BMPR2: variants seen among roughly 807,000 people sequenced by gnomAD.
The protein encoded by BMPR2 is bone morphogenetic protein receptor type 2.
BMPR2 carries 29 observed loss-of-function variants against 100.8 expected under a neutral mutation model. The observed-to-expected ratio is 0.29, with a 90% CI of 0.21 to 0.39. The LOEUF (loss-of-function observed/expected upper bound fraction) is 0.39. Ranked by LOEUF, BMPR2 falls within the 10% of genes least tolerant of loss-of-function variation. The pLI is 1.00. For missense variants in BMPR2, 1,011 were observed against 1,274.5 expected (o/e 0.79, Z 3.15); for synonymous variants, 382 against 442.3 (o/e 0.86, Z 1.71).
intron 5 of BMPR2, among the ~76,000 whole-genome samples, chr2:202,515,529 C>T (rs1201414138): frequency 6.6e-6 from 1 of 150,844 alleles, no homozygotes; most frequent in Non-Finnish European, 1.5e-5. Context: ...CGAGATCGCA[C>T]CATTGCACTC....
chr2:202,453,947 T>G (rs1692037408), intron 1 of BMPR2, among the ~76,000 whole-genome samples: 1 of 152,154 alleles, frequency 6.6e-6, no homozygotes, highest in South Asian at 2.1e-4. Context: ...ATACCTACTA[T>G]GTACCCACAA....
At chr2:202,405,074 C>T (rs1344343079) in intron 1 of BMPR2, among the ~76,000 whole-genome samples, 1 of 152,084 alleles carries the variant, frequency 6.6e-6, no homozygotes, top group Non-Finnish European at 1.5e-5. Context: ...CCTCCCATCT[C>T]AGCCTCCCAA....
intron 1 of BMPR2, among the ~76,000 whole-genome samples, chr2:202,410,514 T>C (rs1266414038): frequency 6.6e-6 from 1 of 152,158 alleles, no homozygotes; most frequent in African/African-American, 2.4e-5. Flanking sequence ...TTCGAATCCA[T>C]AGAATATAAT....
chr2:202,492,511 C>T (rs1459120574), intron 3 of BMPR2, among the ~76,000 whole-genome samples: 1 of 151,626 alleles, frequency 6.6e-6, no homozygotes, highest in Non-Finnish European at 1.5e-5. Flanking sequence ...ACCAGCCTGG[C>T]CAACATAGCA....
chr2:202,510,597 GTGTGTA>G (rs1435945355), intron 3 of BMPR2, among the ~76,000 whole-genome samples: 9 of 152,088 alleles, frequency 5.9e-5, no homozygotes, highest in African/African-American at 2.2e-4. Flanking sequence ...AGTTTTGTGT[GTGTGTA>G]TGTGTATGTA....
chr2:202,555,085 T>C (rs1044953940), intron 11 of BMPR2, among the ~76,000 whole-genome samples, 167 bp from the exon 12 acceptor site: 1 of 151,480 alleles, frequency 6.6e-6, no homozygotes, highest in East Asian at 2.2e-4. Context: ...TATCAAGTTA[T>C]TAATTGACAC....
chr2:202,427,573 A>G (rs979881920), intron 1 of BMPR2, among the ~76,000 whole-genome samples: 1 of 151,398 alleles, frequency 6.6e-6, no homozygotes. Flanking sequence ...TTCCTATACT[A>G]TCATTTCTCT....
At chr2:202,427,889 GGATCACTTGAGCCTGGGAGGTGGTA>G (rs1196669118) in intron 1 of BMPR2, among the ~76,000 whole-genome samples, 1 of 152,230 alleles carries the variant, frequency 6.6e-6, no homozygotes, top group African/African-American at 2.4e-5. Flanking sequence ...AGGGGTGGGA[GGATCACTTGAGCCTGGGAGGTGGTA>G]GTTGCAGTGA....
intron 1 of BMPR2, among the ~76,000 whole-genome samples, chr2:202,449,836 G>A (rs981419306): frequency 6.6e-6 from 1 of 152,016 alleles, no homozygotes; most frequent in Admixed American, 6.6e-5. Flanking sequence ...GGTGGCTCAC[G>A]CCTGTAATCC....
chr2:202,471,568 C>A lies in BMPR2; in HGVS notation c.418+3879C>A, dbSNP rs190922946. Among the ~76,000 whole-genome samples the A allele has an allele frequency of 3.3e-4, 50 of 152,170 alleles. 1 individual carries two copies. The highest frequency in any genetic ancestry group is 8.5e-4 in the Admixed American group (13 of 15,272). On this transcript the variant is annotated intron_variant, in intron 3 of 12. Transcript: ENST00000374580. ...CAAGAATGCATAACCTGAATTTAATCATGAGGTAATATCACACAAACCCCA... is the reference window on the plus strand; with the variant it reads ...CAAGAATGCATAACCTGAATTTAATAATGAGGTAATATCACACAAACCCCA...
At chr2:202,460,274 G>T (rs1692200574) in intron 1 of BMPR2, among the ~76,000 whole-genome samples, 1 of 152,022 alleles carries the variant, frequency 6.6e-6, no homozygotes, top group Non-Finnish European at 1.5e-5. Context: ...TGCTAATCTG[G>T]ATAAAGAAAA....
At chr2:202,383,805 C>T (rs767533255) in intron 1 of BMPR2, among the ~76,000 whole-genome samples, 81 of 149,516 alleles carry the variant, frequency 5.4e-4, no homozygotes, top group Non-Finnish European at 7.6e-4. Flanking sequence ...GAGCCGAGAT[C>T]GTACCACTGC....
Position 202,514,990 on chromosome 2 carries a change from C to T in BMPR2, c.621+11C>T, listed in dbSNP as rs775263911. The T allele has an allele frequency of 8.1e-6, 13 of 1,611,848 alleles. No homozygotes were observed. The highest frequency in any genetic ancestry group is 6.7e-5 in the East Asian group (3 of 44,868). On this transcript the variant is annotated intron_variant, in intron 5 of 12. Coordinates refer to ENST00000374580, the MANE Select transcript of BMPR2 (RefSeq NM_001204.7). ...CTGAAACTGTTGGAGGTAAGTTTGCCGTTAGATTATGGACTGTTGTTTCTA... is the reference window on the plus strand; with the variant it reads ...CTGAAACTGTTGGAGGTAAGTTTGCTGTTAGATTATGGACTGTTGTTTCTA...
intron 3 of BMPR2, among the ~76,000 whole-genome samples, chr2:202,510,082 C>T (rs7562876): frequency 0.5 from 76,498 of 152,050 alleles, 19,857 homozygotes; most frequent in African/African-American, 0.61. Flanking sequence ...CTTTGTTTCA[C>T]GTTAGACTAC....
intron 10 of BMPR2, among the ~76,000 whole-genome samples, chr2:202,547,055 A>C (rs1308236626): frequency 6.6e-6 from 1 of 152,156 alleles, no homozygotes; most frequent in Non-Finnish European, 1.5e-5. Flanking sequence ...GTCATGAGTC[A>C]GCATGCCTGG....
At chr2:202,402,907 C>A (rs1219829347) in intron 1 of BMPR2, among the ~76,000 whole-genome samples, 3 of 151,778 alleles carry the variant, frequency 2.0e-5, no homozygotes, top group East Asian at 1.9e-4. Context: ...CAGCTCACAG[C>A]AAATTCCGCC....
intron 3 of BMPR2, among the ~76,000 whole-genome samples, chr2:202,502,971 C>T (rs901529440): frequency 6.6e-6 from 1 of 152,182 alleles, no homozygotes; most frequent in Admixed American, 6.6e-5. Context: ...AGAATCGAGG[C>T]CATCAAGCTA....
At chr2:202,507,291 G>C (rs1687538017) in intron 3 of BMPR2, among the ~76,000 whole-genome samples, 1 of 152,052 alleles carries the variant, frequency 6.6e-6, no homozygotes, top group Admixed American at 6.5e-5. Flanking sequence ...ATGATTTTTA[G>C]GTTTTCTGAC....
At chr2:202,546,591 GTTTTGTTTTTGT>G (rs146918049) in intron 10 of BMPR2, among the ~76,000 whole-genome samples, 2 of 151,946 alleles carry the variant, frequency 1.3e-5, no homozygotes, top group East Asian at 1.9e-4. Flanking sequence ...CATACACATG[GTTTTGTTTTTGT>G]TTTTGTTTTT....
Sources: allele counts gnomAD v4.1 joint callset (sites outside exome capture counted in the v4.1 genomes callset), GRCh38; gene constraint gnomAD v4.1.1; transcripts MANE v1.5; gene names NCBI Gene and HGNC (gene_info 2026-07-23, HGNC 2026-07-21).